Variants in CYYR1 observed in about 807,000 individuals in gnomAD.
CYYR1 encodes the protein cysteine and tyrosine rich 1.
CYYR1 carries 14 observed loss-of-function variants against 15.2 expected under a neutral mutation model. The ratio of observed to expected loss-of-function variants is 0.92; its 90% CI spans 0.61 to 1.44. The LOEUF is 1.44. Among genes scored for constraint, CYYR1 ranks in the 40% most tolerant of loss-of-function variants. The probability of loss-of-function intolerance (pLI) is 0.00; values close to 1 mark genes in which losing one functional copy is unlikely to be tolerated. For synonymous variants in CYYR1, 80 were observed against 77.4 expected (o/e 1.03, Z -0.18); for missense variants, 228 against 209.5 (o/e 1.09, Z -0.54).
At chr21:26,507,532 G>A (rs1003989588) in intron 2 of CYYR1, among the ~76,000 whole-genome samples, 1 of 152,050 alleles carries the variant, frequency 6.6e-6, no homozygotes, top group Admixed American at 6.5e-5. Flanking sequence ...TTTCTCAATG[G>A]ATTTCTCCTT....
At chr21:26,528,009 A>G (rs2065887375) in intron 2 of CYYR1, among the ~76,000 whole-genome samples, 1 of 152,234 alleles carries the variant, frequency 6.6e-6, no homozygotes, top group African/African-American at 2.4e-5. Context: ...AGCAACACTT[A>G]AAACGAGTAA....
intron 3 of CYYR1, among the ~76,000 whole-genome samples, chr21:26,479,426 G>A (rs1463667340): frequency 6.6e-6 from 1 of 152,076 alleles, no homozygotes; most frequent in African/African-American, 2.4e-5. Context: ...AAAGACATGA[G>A]TATGGATGGG....
chr21:26,533,880 C>A (rs1038872708), intron 2 of CYYR1, among the ~76,000 whole-genome samples: 1 of 152,152 alleles, frequency 6.6e-6, no homozygotes, highest in African/African-American at 2.4e-5. Context: ...GTCACTTATT[C>A]TTTCATGGCA....
chr21:26,473,713 C>T (rs1374230893), intron 3 of CYYR1, among the ~76,000 whole-genome samples: 1 of 152,106 alleles, frequency 6.6e-6, no homozygotes, highest in Non-Finnish European at 1.5e-5. Flanking sequence ...AAATCACCTG[C>T]TGAGAGTGAG....
At chr21:26,516,264 A>G (rs2065725952) in intron 2 of CYYR1, among the ~76,000 whole-genome samples, 1 of 152,232 alleles carries the variant, frequency 6.6e-6, no homozygotes, top group South Asian at 2.1e-4. Context: ...GATAGTTTAT[A>G]AGGGCCCTTT....
At chr21:26,539,831 G>C (rs1443443509) in intron 2 of CYYR1, among the ~76,000 whole-genome samples, 1 of 152,180 alleles carries the variant, frequency 6.6e-6, no homozygotes, top group East Asian at 1.9e-4. Context: ...AGGAAGTACA[G>C]ATAGACATTT....
chr21:26,492,608 C>G (rs548145249), intron 2 of CYYR1, among the ~76,000 whole-genome samples: 1 of 152,158 alleles, frequency 6.6e-6, no homozygotes, highest in South Asian at 2.1e-4. Context: ...TATCTTTCAT[C>G]TAAACATATA....
intron 2 of CYYR1, among the ~76,000 whole-genome samples, chr21:26,504,370 A>C (rs1013556508): frequency 6.6e-6 from 1 of 152,076 alleles, no homozygotes; most frequent in Non-Finnish European, 1.5e-5. Flanking sequence ...TCCCGGGTTC[A>C]AGCGATTCTC....
At chr21:26,543,521 G>T (rs1170100671) in intron 2 of CYYR1, among the ~76,000 whole-genome samples, 1 of 152,206 alleles carries the variant, frequency 6.6e-6, no homozygotes, top group Non-Finnish European at 1.5e-5. Context: ...TTCCGCACTG[G>T]GACCTGTGCT....
intron 2 of CYYR1, among the ~76,000 whole-genome samples, chr21:26,504,164 T>C (rs1183541124): frequency 1.3e-5 from 2 of 152,190 alleles, no homozygotes; most frequent in Non-Finnish European, 2.9e-5. Flanking sequence ...ATGGCAGAAT[T>C]TGTCACCAGT....
chr21:26,551,478 C>A (rs917651254), intron 2 of CYYR1: 3 of 152,632 alleles, frequency 2.0e-5, no homozygotes, highest in African/African-American at 7.2e-5. Context: ...TCACTAAGAA[C>A]ATTTGTGATT....
intron 2 of CYYR1, among the ~76,000 whole-genome samples, chr21:26,510,985 C>T (rs2065639608): frequency 6.6e-6 from 1 of 152,194 alleles, no homozygotes; most frequent in Admixed American, 6.5e-5. Flanking sequence ...ACTTTTACAA[C>T]ATTAGGGTAG....
At chr21:26,506,249 T>G (rs1248075775) in intron 2 of CYYR1, among the ~76,000 whole-genome samples, 2 of 152,154 alleles carry the variant, frequency 1.3e-5, no homozygotes, top group Non-Finnish European at 2.9e-5. Flanking sequence ...TTACTTTAAT[T>G]CTAGGTCACC....
chr21:26,557,657 T>C (rs913175457), intron 2 of CYYR1, among the ~76,000 whole-genome samples: 1 of 152,136 alleles, frequency 6.6e-6, no homozygotes, highest in Non-Finnish European at 1.5e-5. Flanking sequence ...CTGTTCTATT[T>C]CTTATACCTC....
chr21:26,512,483 G>A (rs1318742370), intron 2 of CYYR1, among the ~76,000 whole-genome samples: 1 of 152,070 alleles, frequency 6.6e-6, no homozygotes, highest in Non-Finnish European at 1.5e-5. Flanking sequence ...ATCACAGCGT[G>A]AGCCACCGCG....
At chr21:26,508,902 C>T (rs17619458) in intron 2 of CYYR1, among the ~76,000 whole-genome samples, 7,108 of 152,200 alleles carry the variant, frequency 0.047, 195 homozygotes, top group African/African-American at 0.059. Context: ...ACTAAGACCA[C>T]GAGCATTGGT....
chr21:26,558,157 G>C (rs951308483), intron 2 of CYYR1, among the ~76,000 whole-genome samples: 34 of 152,154 alleles, frequency 2.2e-4, no homozygotes, highest in African/African-American at 7.7e-4. Context: ...GCCCCATCCA[G>C]ACCTACCAAG....
intron 2 of CYYR1, among the ~76,000 whole-genome samples, chr21:26,539,817 C>T (rs1978419640): frequency 6.6e-6 from 1 of 152,160 alleles, no homozygotes; most frequent in Non-Finnish European, 1.5e-5. Flanking sequence ...TGTGAACACT[C>T]AGGAGGAAGT....
chr21:26,497,456 T>C (rs1296165347), intron 2 of CYYR1, among the ~76,000 whole-genome samples: 5 of 152,164 alleles, frequency 3.3e-5, no homozygotes, highest in Admixed American at 2.6e-4. Context: ...AAGAGTGCTA[T>C]GAGAAGAATG....
Sources: gnomAD v4.1 joint callset for allele counts (sites outside exome capture counted in the v4.1 genomes callset) on GRCh38, gnomAD v4.1.1 for gene constraint, MANE v1.5 for transcripts, NCBI Gene and HGNC (gene_info 2026-07-23, HGNC 2026-07-21) for gene names.